JAK2: variants seen among roughly 807,000 people sequenced by gnomAD.
The protein encoded by JAK2 is Janus kinase 2.
Under a neutral mutation model 139.3 loss-of-function variants are expected in JAK2, and 86 were observed. The observed-to-expected ratio is 0.62, with a 90% CI of 0.52 to 0.74. JAK2 has a LOEUF of 0.74. JAK2 is among the 30% of genes least tolerant of loss of function. The pLI is 0.00. For missense variants in JAK2, 1,421 were observed against 1,360.3 expected, an observed-to-expected ratio of 1.04 and a Z score of -0.70; for synonymous variants, 490 against 437.7, an observed-to-expected ratio of 1.12 and a Z score of -1.49.
At chr9:5,123,879 A>AT (rs1322985472) in intron 23 of JAK2, among the ~76,000 whole-genome samples, 8 of 147,480 alleles carry the variant, frequency 5.4e-5, no homozygotes, top group Admixed American at 1.3e-4. Flanking sequence ...CACTGGGGTA[A>AT]TTTTTTCTCT....
At chr9:5,091,748 G>C (rs996688724) in intron 22 of JAK2, 5 of 152,140 alleles carry the variant, frequency 3.3e-5, no homozygotes, top group Non-Finnish European at 7.4e-5. Context: ...TTTGGCTTAT[G>C]AATAGGCTTA....
chr9:5,023,368 G>C (rs1241780923), intron 3 of JAK2, among the ~76,000 whole-genome samples: 1 of 152,142 alleles, frequency 6.6e-6, no homozygotes, highest in Admixed American at 6.5e-5. Context: ...CTGGGCCCCA[G>C]GGGAGTACGC....
At chr9:5,064,010 G>A (rs1342208533) in intron 8 of JAK2, among the ~76,000 whole-genome samples, 2 of 152,074 alleles carry the variant, frequency 1.3e-5, no homozygotes, top group African/African-American at 4.8e-5. Flanking sequence ...ACAAAAATTA[G>A]CCGGGCGTCT....
chr9:5,116,369 T>C (rs10758672), intron 22 of JAK2, among the ~76,000 whole-genome samples: 58,766 of 152,036 alleles, frequency 0.39, 14,783 homozygotes, highest in African/African-American at 0.72. Flanking sequence ...ATAATAAATA[T>C]TAAAAATACT....
At chr9:5,098,548 C>G (rs1415884922) in intron 22 of JAK2, 1 of 152,142 alleles carries the variant, frequency 6.6e-6, no homozygotes, top group Non-Finnish European at 1.5e-5. Context: ...ATCTTACCTG[C>G]CATTATCTTA....
chr9:5,045,859 A>G (rs928064715), intron 5 of JAK2, among the ~76,000 whole-genome samples: 1 of 152,186 alleles, frequency 6.6e-6, no homozygotes, highest in African/African-American at 2.4e-5. Flanking sequence ...TGGGTAAACA[A>G]ATATTTCCTT....
rs756926755 is a variant in JAK2 at position 5,069,967 on chromosome 9, A to G, written c.1556A>G (p.Asp519Gly). 6.2e-7 allele frequency: 1 copy of G among 1,607,434 alleles called. No homozygotes were observed. Among genetic ancestry groups the G allele is most frequent in the South Asian group, 1.1e-5 (1 of 90,502 alleles). Residue 519 changes from aspartate to glycine, a missense_variant, in exon 12 of 25, where the codon GAT becomes GGT. By Grantham distance (94) the Asp-to-Gly change is moderately conservative (BLOSUM62 -1). Coordinates refer to ENST00000381652, the MANE Select transcript of JAK2 (RefSeq NM_004972.4). ...LLVFRTNGVS[D>G]VPTSPTLQRP... ...GTCTTCAGAACGAATGGTGTTTCTG[A>G]TGTACCAACCTCACCAACATTACAG...
chr9:5,001,774 C>A (rs1563917765), intron 2 of JAK2, among the ~76,000 whole-genome samples: 1 of 152,024 alleles, frequency 6.6e-6, no homozygotes, highest in Non-Finnish European at 1.5e-5. Context: ...AAATAGTTGA[C>A]AGACTTTCCC....
Position 5,129,513 on chromosome 9 carries a change from A to C in JAK2, c.*2722A>C, listed in dbSNP as rs529175865. On this transcript the variant is annotated 3_prime_UTR_variant, in exon 25 of 25. Transcript: ENST00000381652. ...TAATATTTCTAATGAAAGTTTCTCTAATTTGGGGGCATAATGTACTAAGAA... is the reference window on the plus strand; with the variant it reads ...TAATATTTCTAATGAAAGTTTCTCTCATTTGGGGGCATAATGTACTAAGAA... Among the ~76,000 whole-genome samples, 3 of 152,228 alleles carry C rather than the reference A, an allele frequency of 2.0e-5. No individual in the cohort carries two copies. In the South Asian group the frequency reaches 6.2e-4, roughly 32 times the overall value.
chr9:5,099,466 C>A (rs1016909987), intron 22 of JAK2: 1 of 152,158 alleles, frequency 6.6e-6, no homozygotes, highest in African/African-American at 2.4e-5. Flanking sequence ...TAACTTTATT[C>A]TCCATTATTC....
In JAK2 at chr9:5,077,564, G is replaced by T. The variant is rs1413875441; in HGVS notation, c.1976G>T (p.Trp659Leu). Reference sequence around the variant, plus strand: ...CTTGAAGTTGCTAAACAGTTGGCATGGGCCATGCATTTTCTAGTAAGTAGT... The same window carrying T: ...CTTGAAGTTGCTAAACAGTTGGCATTGGCCATGCATTTTCTAGTAAGTAGT... ...WKLEVAKQLA[W>L]AMHFLEENTL... is the part of the protein sequence containing the mutation. The change falls in exon 15 of 25, where the codon TGG becomes TTG. Residue 659 changes from tryptophan to leucine, a missense_variant. Physicochemically the swap from Trp to Leu is moderately conservative, Grantham distance 61. Coordinates refer to ENST00000381652, the MANE Select transcript of JAK2 (RefSeq NM_004972.4). 2 of 1,486,912 alleles carry T rather than the reference G, an allele frequency of 1.3e-6. No individual in the cohort carries two copies. Among genetic ancestry groups the T allele is most frequent in the Non-Finnish European group, 1.8e-6 (2 of 1,120,684 alleles). 92.1% of individuals were successfully genotyped at this position (1,486,912 alleles called of 1,614,324 possible).
chr9:5,006,916 T>C (rs1821344011), intron 2 of JAK2, among the ~76,000 whole-genome samples: 1 of 152,194 alleles, frequency 6.6e-6, no homozygotes, highest in Non-Finnish European at 1.5e-5. Flanking sequence ...TGTTTTTAAA[T>C]TGGAGAATAT....
At chr9:5,075,603 C>T (rs10283563) in intron 14 of JAK2, among the ~76,000 whole-genome samples, 50,730 of 151,988 alleles carry the variant, frequency 0.33, 9,057 homozygotes, top group African/African-American at 0.47. Flanking sequence ...ATTGTTGAGA[C>T]CTGCTCAGAA....
At chr9:5,026,767 G>T (rs1456276237) in intron 3 of JAK2, among the ~76,000 whole-genome samples, 1 of 152,084 alleles carries the variant, frequency 6.6e-6, no homozygotes, top group Non-Finnish European at 1.5e-5. Flanking sequence ...AAAATAGCTT[G>T]TATTATTTAC....
chr9:5,045,882 T>C (rs1816971930), intron 5 of JAK2, among the ~76,000 whole-genome samples: 1 of 152,196 alleles, frequency 6.6e-6, no homozygotes, highest in African/African-American at 2.4e-5. Context: ...GTCCCTGTTT[T>C]CAGTTCTTTT....
At chr9:5,033,270 T>C (rs987613094) in intron 4 of JAK2, among the ~76,000 whole-genome samples, 1 of 152,230 alleles carries the variant, frequency 6.6e-6, no homozygotes, top group Non-Finnish European at 1.5e-5. Flanking sequence ...CTACGTCTCA[T>C]TGGTGTACCT....
chr9:5,029,582 A>G (rs960452329), intron 3 of JAK2, among the ~76,000 whole-genome samples: 10 of 152,220 alleles, frequency 6.6e-5, no homozygotes, highest in African/African-American at 9.7e-5. Context: ...AGGGTGCACT[A>G]AAATGAAGTA....
At chr9:5,030,481 T>C (rs999002696) in intron 4 of JAK2, among the ~76,000 whole-genome samples, 3 of 152,148 alleles carry the variant, frequency 2.0e-5, no homozygotes, top group Non-Finnish European at 4.4e-5. Flanking sequence ...TAAGCATTTA[T>C]ATACATATAT....
At chr9:5,110,077 A>C (rs1822322042) in intron 22 of JAK2, 2 of 152,062 alleles carry the variant, frequency 1.3e-5, no homozygotes, top group Admixed American at 6.6e-5. Flanking sequence ...TTCATTCTAA[A>C]CCCTACCTCT....
Sources: allele counts gnomAD v4.1 joint callset (sites outside exome capture counted in the v4.1 genomes callset), GRCh38; gene constraint gnomAD v4.1.1; transcripts MANE v1.5; gene names NCBI Gene and HGNC (gene_info 2026-07-23, HGNC 2026-07-21).